Variants in PHC2 observed in about 807,000 individuals in gnomAD.
PHC2 encodes the protein polyhomeotic-like protein 2.
Under a neutral mutation model 87.4 loss-of-function variants are expected in PHC2, and 29 were observed. The ratio of observed to expected loss-of-function variants is 0.33; its 90% confidence interval spans 0.25 to 0.45. The LOEUF (loss-of-function observed/expected upper bound fraction) is 0.45. PHC2 is among the 20% of genes least tolerant of loss of function. The probability of loss-of-function intolerance (pLI) is 1.00; values close to 1 mark genes in which losing one functional copy is unlikely to be tolerated. For missense variants in PHC2, 857 were observed against 1,136.7 expected (o/e 0.75, Z 3.54); for synonymous variants, 438 against 461.7 (o/e 0.95, Z 0.66).
intron 1 of PHC2, among the ~76,000 whole-genome samples, chr1:33,403,974 GTTCT>G (rs1649649662): frequency 6.6e-6 from 1 of 151,686 alleles, no homozygotes; most frequent in Non-Finnish European, 1.5e-5. Context: ...TTCATATGCT[GTTCT>G]TTCTCTCTAG....
intron 1 of PHC2, among the ~76,000 whole-genome samples, chr1:33,425,164 T>C (rs952599381): frequency 2.0e-5 from 3 of 152,220 alleles, no homozygotes; most frequent in Admixed American, 2.0e-4. Context: ...TATAATTTCC[T>C]ATAAGGGCCA....
intron 1 of PHC2, among the ~76,000 whole-genome samples, chr1:33,410,896 T>C (rs1365171810): frequency 6.6e-6 from 1 of 152,102 alleles, no homozygotes; most frequent in African/African-American, 2.4e-5. Context: ...AGAACAAACA[T>C]CATATTATGG....
intron 9 of PHC2, chr1:33,345,727 G>A: frequency 1.0e-6 from 1 of 984,716 alleles, no homozygotes; most frequent in Non-Finnish European, 1.2e-6. Context: ...GAAAAATCCA[G>A]AATTTGTAAT....
intron 9 of PHC2, among the ~76,000 whole-genome samples, chr1:33,335,809 AGAACTGCTT>A (rs1646615614): frequency 6.7e-6 from 1 of 148,818 alleles, no homozygotes; most frequent in Admixed American, 6.7e-5. Context: ...CTGAGGCAGG[AGAACTGCTT>A]GAACCCAGGG....
intron 1 of PHC2, among the ~76,000 whole-genome samples, chr1:33,430,227 C>T (rs568588200): frequency 1.3e-5 from 2 of 152,336 alleles, no homozygotes; most frequent in African/African-American, 4.8e-5. Context: ...ATCCAGGTGT[C>T]CAGCAGCGAC....
intron 12 of PHC2, 128 bp from the exon 13 acceptor site, chr1:33,330,340 A>C: frequency 1.1e-6 from 1 of 919,392 alleles, no homozygotes; most frequent in South Asian, 1.5e-5. Flanking sequence ...TAACTCCATC[A>C]CTAACTACTA....
chr1:33,411,851 C>T (rs2148392606), intron 1 of PHC2, among the ~76,000 whole-genome samples: 1 of 152,234 alleles, frequency 6.6e-6, no homozygotes, highest in South Asian at 2.1e-4. Flanking sequence ...GAGCCATTCG[C>T]ACCGGGCCTG....
At chr1:33,412,337 TTTCTC>T (rs1445541133) in intron 1 of PHC2, among the ~76,000 whole-genome samples, 3 of 152,314 alleles carry the variant, frequency 2.0e-5, no homozygotes, top group Non-Finnish European at 2.9e-5. Flanking sequence ...CCCTGGAGCC[TTTCTC>T]TTAACTATTA....
In PHC2 at chr1:33,323,649, A is replaced by G. The variant is rs963399252; in HGVS notation, c.*1216T>C. 4 of 152,664 alleles carry G rather than the reference A, an allele frequency of 2.6e-5. No homozygotes were observed. The highest frequency in any genetic ancestry group is 7.2e-5 in the African/African-American group (3 of 41,462). 9.5% of individuals were successfully genotyped at this position (152,664 alleles called of 1,614,324 possible). A position where few individuals can be genotyped will look rare whatever the true frequency, so the allele number is the denominator to read the frequency against. On this transcript the variant is annotated 3_prime_UTR_variant, in exon 15 of 15. Coordinates refer to ENST00000683057, the MANE Select transcript of PHC2 (RefSeq NM_001385109.1). ...GACAGATTTTACAGATTTATTTTTA[A>G]AAAACAAAACAAAGGTTAAAAAAGT... is the stretch of plus-strand genomic sequence containing the variant.
chr1:33,377,521 G>A (rs942641187), intron 1 of PHC2, among the ~76,000 whole-genome samples: 7 of 152,062 alleles, frequency 4.6e-5, no homozygotes, highest in African/African-American at 1.7e-4. Context: ...GGCACACCCA[G>A]ATCTGAGTTT....
At chr1:33,343,459 ACT>A (rs1235862938) in intron 9 of PHC2, among the ~76,000 whole-genome samples, 9 of 114,020 alleles carry the variant, frequency 7.9e-5, no homozygotes, top group Admixed American at 2.7e-4. Context: ...ACAGAGCAAG[ACT>A]CTGTCTCAAA....
rs113163379 is a variant in PHC2 at position 33,361,038 on chromosome 1, G to A, written c.977-5785C>T. 3.8e-3 allele frequency among the ~76,000 whole-genome samples: 581 copies of A among 152,356 alleles called. 2 individuals carry two copies. The highest frequency in any genetic ancestry group is 0.014 in the Middle Eastern group (4 of 294). On this transcript the variant is annotated intron_variant, in intron 7 of 14. Transcript: ENST00000683057. Reference sequence around the variant, plus strand: ...TACTGGAGGCAATCTTGGAGGTATGGACAACAAAAAGGGATTGTTAACGCC... The same window carrying A: ...TACTGGAGGCAATCTTGGAGGTATGAACAACAAAAAGGGATTGTTAACGCC...
Position 33,364,130 on chromosome 1 carries a change from C to G in PHC2, c.976+2986G>C, listed in dbSNP as rs139084318. Among the ~76,000 whole-genome samples, 3,451 of 152,104 alleles carry G rather than the reference C, an allele frequency of 0.023. 37 individuals carry two copies. The highest frequency in any genetic ancestry group is 0.026 in the Non-Finnish European group (1,743 of 67,996). On this transcript the variant is annotated intron_variant, in intron 7 of 14. Transcript: ENST00000683057. The surrounding 1 kb of genome is among the most constrained non-coding windows in gnomAD (Gnocchi z 4.1). ...CTTGCCATGGGGGAGGGGCTTTGCC[C>G]CCAAACAGCTGTCAGTGGGAGCAGT...
At chr1:33,420,964 G>A (rs1054321272) in intron 1 of PHC2, among the ~76,000 whole-genome samples, 2 of 152,148 alleles carry the variant, frequency 1.3e-5, no homozygotes, top group Non-Finnish European at 2.9e-5. Context: ...AATGACATGA[G>A]TACTTACCTC....
At position 33,367,292 on chromosome 1, in the gene PHC2, T is replaced by G; in HGVS notation, c.800A>C (p.Gln267Pro). ...GGSQPLPTPA[Q>P]SRNTAQASPA... is the part of the protein sequence containing the mutation. ...GGAAGCCTGAGCAGTATTTCTGCTC[T>G]GTGCTGGGGTAGGCAGAGGCTGGCT... is the stretch of plus-strand genomic sequence containing the variant. The change falls in exon 7 of 15, where the codon CAG becomes CCG. Residue 267 changes from glutamine (Q) to proline (P), a missense_variant. Gln to Pro is a moderately conservative substitution (Grantham distance 76, BLOSUM62 -1). Transcript: ENST00000683057. 6.2e-7 allele frequency: 1 copy of G among 1,614,082 alleles called. No homozygotes were observed. Among genetic ancestry groups the G allele is most frequent in the Non-Finnish European group, 8.5e-7 (1 of 1,179,964 alleles).
intron 1 of PHC2, among the ~76,000 whole-genome samples, chr1:33,392,190 T>C (rs1021596681): frequency 6.6e-5 from 8 of 122,124 alleles, no homozygotes; most frequent in East Asian, 2.3e-4. Flanking sequence ...CACACACACA[T>C]GCACATGCAC....
intron 1 of PHC2, among the ~76,000 whole-genome samples, chr1:33,396,399 A>T (rs1649298135): frequency 1.3e-5 from 2 of 152,170 alleles, no homozygotes; most frequent in Non-Finnish European, 2.9e-5. Context: ...GTCAAGTGCA[A>T]TCTGGGGCCC....
chr1:33,379,515 C>T (rs1648387245), intron 1 of PHC2, among the ~76,000 whole-genome samples: 2 of 104,260 alleles, frequency 1.9e-5, no homozygotes, highest in Admixed American at 2.0e-4. Flanking sequence ...CCCAACCACC[C>T]GTGTCTTTTC....
intron 3 of PHC2, 47 bp downstream of exon 3, chr1:33,372,242 C>T: frequency 6.8e-7 from 1 of 1,478,960 alleles, no homozygotes; most frequent in Non-Finnish European, 9.0e-7. Context: ...TTTGCTTCCA[C>T]AACCAGGATG....
Sources: allele counts gnomAD v4.1 joint callset (sites outside exome capture counted in the v4.1 genomes callset), GRCh38; gene constraint gnomAD v4.1.1; non-coding constraint Gnocchi (gnomAD v3.1); transcripts MANE v1.5; gene names NCBI Gene and HGNC (gene_info 2026-07-23, HGNC 2026-07-21).